DSG3: variants seen among roughly 807,000 people sequenced by gnomAD.
The protein encoded by DSG3 is desmoglein 3.
DSG3 carries 63 observed loss-of-function variants against 85.9 expected under a neutral mutation model. The ratio of observed to expected loss-of-function variants is 0.73; its 90% CI spans 0.60 to 0.90. DSG3 has a LOEUF of 0.90. Ranked by LOEUF, DSG3 falls within the 40% of genes least tolerant of loss-of-function variation. The pLI, the probability that DSG3 is intolerant of heterozygous loss-of-function variation, is 0.00. For missense variants in DSG3, 1,220 were observed against 1,219.9 expected, an observed-to-expected ratio of 1.00 and a Z score of 0.00; for synonymous variants, 447 against 441.9, an observed-to-expected ratio of 1.01 and a Z score of -0.14.
In DSG3 at chr18:31,475,902, T is replaced by C; in HGVS notation, c.2642T>C (p.Ile881Thr). 1.9e-6 allele frequency: 3 copies of C among 1,614,172 alleles called. No individual in the cohort carries two copies. Among genetic ancestry groups the C allele is most frequent in the Non-Finnish European group, 2.5e-6 (3 of 1,180,034 alleles). ...QPPSKDSGYG[I>T]ESCGHPIEVQ... ...CCCTCTAAAGACAGCGGTTATGGGA[T>C]TGAATCCTGTGGCCATCCCATAGAA... The change falls in exon 16 of 16, where the codon ATT becomes ACT. Residue 881 changes from isoleucine (I) to threonine (T), a missense_variant. By Grantham distance (89) the Ile-to-Thr change is moderately conservative (BLOSUM62 -1). Transcript: ENST00000257189.
At chr18:31,472,596 G>T (rs2072862766) in intron 13 of DSG3, 129 bp from the exon 14 acceptor site, 2 of 1,269,098 alleles carry the variant, frequency 1.6e-6, no homozygotes, top group Non-Finnish European at 2.2e-6. Flanking sequence ...CACAGAAATG[G>T]TTATCGCTGA....
chr18:31,455,292 C>G (rs1042876541), intron 1 of DSG3, among the ~76,000 whole-genome samples: 6 of 151,968 alleles, frequency 3.9e-5, no homozygotes, highest in African/African-American at 1.5e-4. Context: ...TATTACTCTT[C>G]TAGTTTTTTT....
intron 15 of DSG3, 140 bp downstream of exon 15, chr18:31,474,544 C>A: frequency 1.9e-6 from 2 of 1,070,848 alleles, no homozygotes; most frequent in South Asian, 1.7e-5. Flanking sequence ...TGTTTTTTGC[C>A]AAAATAATAC....
chr18:31,473,137 G>A (rs928820082), intron 14 of DSG3, among the ~76,000 whole-genome samples: 3 of 152,104 alleles, frequency 2.0e-5, no homozygotes, highest in Non-Finnish European at 4.4e-5. Context: ...AAAATATAAC[G>A]AACATCTATG....
At chr18:31,452,080 A>C (rs1419264855) in intron 1 of DSG3, among the ~76,000 whole-genome samples, 3 of 152,226 alleles carry the variant, frequency 2.0e-5, no homozygotes, top group African/African-American at 7.2e-5. Context: ...CATAAACTAC[A>C]GCGTGAGGAG....
At chr18:31,466,839 TC>T in intron 11 of DSG3, 85 bp downstream of exon 11, 1 of 1,258,140 alleles carries the variant, frequency 7.9e-7, no homozygotes, top group Non-Finnish European at 1.1e-6. Flanking sequence ...TAAGAGCAGG[TC>T]CTTCCAAAAG....
Position 31,478,664 on chromosome 18 carries a change from A to G in DSG3, c.*2404A>G, listed in dbSNP as rs2072903965. The G allele has an allele frequency of 6.6e-6, 1 of 152,210 alleles. No homozygotes were observed. Among genetic ancestry groups the G allele is most frequent in the Non-Finnish European group, 1.5e-5 (1 of 68,036 alleles). The allele number at this position is 152,210 out of a possible 1,614,324, so 9.4% of individuals were successfully genotyped here. On this transcript the variant is annotated 3_prime_UTR_variant, in exon 16 of 16. Transcript: ENST00000257189. ...AAACCATAAACAGTATAATGTTGTT[A>G]TAATAAAACAGGCAATAAATTTATA... is the stretch of plus-strand genomic sequence containing the variant.
At chr18:31,456,041 C>A (rs976547691) in intron 1 of DSG3, among the ~76,000 whole-genome samples, 3 of 152,176 alleles carry the variant, frequency 2.0e-5, no homozygotes, top group Non-Finnish European at 2.9e-5. Context: ...CCCTGTGGCC[C>A]CTTTCTGAAG....
In DSG3 at chr18:31,460,100, T is replaced by TA. The variant is rs1324400594; in HGVS notation, c.684+95dup. 2.9e-6 allele frequency: 4 copies of TA among 1,399,058 alleles called. No individual in the cohort carries two copies. The African/African-American group carries it at 5.8e-5, about 20-fold the overall frequency. 86.7% of individuals were successfully genotyped at this position (1,399,058 alleles called of 1,614,324 possible). A position where few individuals can be genotyped will look rare whatever the true frequency, so the allele number is the denominator to read the frequency against. On this transcript the variant is annotated intron_variant, in intron 6 of 15. Coordinates refer to ENST00000257189, the MANE Select transcript of DSG3 (RefSeq NM_001944.3). ...AGGTGACTCCATTTTACCCGAAAAT[T>TA]AAAAAAGAAAAGAGGTTCTCAGTAC...
At chr18:31,469,833 C>T (rs1018631834) in intron 12 of DSG3, among the ~76,000 whole-genome samples, 17 of 151,560 alleles carry the variant, frequency 1.1e-4, no homozygotes, top group Non-Finnish European at 2.2e-4. Flanking sequence ...ATTAATTAAC[C>T]CCCACTAATA....
chr18:31,467,851 T>G (rs1219328825), intron 11 of DSG3, among the ~76,000 whole-genome samples: 1 of 152,238 alleles, frequency 6.6e-6, no homozygotes, highest in Non-Finnish European at 1.5e-5. Flanking sequence ...ATCTTCATGG[T>G]CATCTTTCCT....
In DSG3 at chr18:31,469,845, TAATC is replaced by T. The variant is rs953770343; in HGVS notation, c.1897+500_1897+503del. The stretch of plus-strand genomic sequence containing the variant: ...TTAATTAATTAACCCCCACTAATAT[TAATC>T]AATAGCATATGATATTAATATTAAT... On this transcript the variant is annotated intron_variant, in intron 12 of 15. Transcript: ENST00000257189. Among the ~76,000 whole-genome samples the T allele has an allele frequency of 5.8e-4, 89 of 152,186 alleles. 1 individual carries two copies. The highest frequency in any genetic ancestry group is 2.1e-3 in the African/African-American group (87 of 41,538).
At chr18:31,449,140 C>T (rs2072696230) in intron 1 of DSG3, among the ~76,000 whole-genome samples, 1 of 152,176 alleles carries the variant, frequency 6.6e-6, no homozygotes, top group South Asian at 2.1e-4. Context: ...TCAATGGATC[C>T]GTCCACCTCG....
rs763736948 is a variant in DSG3, at chr18:31,460,017, G to A, written c.684+6G>A. ...CCAATTCTCTTGACCGAGAGGTACAGCAAAGCACTTGGGGGAACATTCAAG... is the reference window on the plus strand; with the variant it reads ...CCAATTCTCTTGACCGAGAGGTACAACAAAGCACTTGGGGGAACATTCAAG... On this transcript the variant is annotated splice_donor_region_variant and intron_variant, in intron 6 of 15. Transcript: ENST00000257189. 8 of 1,609,916 alleles carry A rather than the reference G, an allele frequency of 5.0e-6. No homozygotes were observed. In the Admixed American group the frequency reaches 6.7e-5, roughly 14 times the overall value.
chr18:31,476,406 T>C lies in DSG3; in HGVS notation c.*146T>C. ...AAACTGATCACGATTATAAATTAAA[T>C]GTTTGGGTTCATACCCCAAAAGCAA... On this transcript the variant is annotated 3_prime_UTR_variant, in exon 16 of 16. Transcript: ENST00000257189. The C allele has an allele frequency of 1.0e-6, 1 of 960,598 alleles. No homozygotes were observed. The highest frequency in any genetic ancestry group is 1.5e-6 in the Non-Finnish European group (1 of 678,842). The allele number at this position is 960,598 out of a possible 1,614,324, so 59.5% of individuals were successfully genotyped here. A position where few individuals can be genotyped will look rare whatever the true frequency, so the allele number is the denominator to read the frequency against.
Position 31,465,453 on chromosome 18 carries a change from A to G in DSG3, c.1407A>G (p.Ile469Met). 1 of 1,484,006 alleles carries G rather than the reference A, an allele frequency of 6.7e-7. No homozygotes were observed. Among genetic ancestry groups the G allele is most frequent in the South Asian group, 1.5e-5 (1 of 67,164 alleles). 91.9% of individuals were successfully genotyped at this position (1,484,006 alleles called of 1,614,324 possible). ...CAATCACAGCTGAGGTTCTGGCCATAGATGGTAAGAAAAATATTTGAATCA... is the reference window on the plus strand; with the variant it reads ...CAATCACAGCTGAGGTTCTGGCCATGGATGGTAAGAAAAATATTTGAATCA... The part of the protein sequence containing the change: ...NKTITAEVLA[I>M]DEYTGKTSTG... The change falls in exon 10 of 16, where the codon ATA becomes ATG. Residue 469 changes from isoleucine to methionine, a missense_variant. By Grantham distance (10) the Ile-to-Met change is conservative. Transcript: ENST00000257189.
Position 31,459,844 on chromosome 18 carries a change from G to A in DSG3, c.518-1G>A, listed in dbSNP as rs1160644964. On this transcript the variant is annotated splice_acceptor_variant, in intron 5 of 15. Transcript: ENST00000257189. LOFTEE classifies it high-confidence loss of function. ...TAATAAACGTTTTCCTGTATTCCTA[G>A]ACTCACTGGTGATGATACTAAATGC... is the stretch of plus-strand genomic sequence containing the variant. 2.5e-6 allele frequency: 4 copies of A among 1,611,682 alleles called. No individual in the cohort carries two copies. In the African/African-American group the frequency reaches 5.3e-5, roughly 22 times the overall value.
chr18:31,457,075 AAC>A lies in DSG3; in HGVS notation c.168_169del (p.Lys56AsnfsTer8). The A allele has an allele frequency of 6.2e-7, 1 of 1,613,376 alleles. No homozygotes were observed. Reference sequence around the variant, plus strand: ...AAACGTGAATGGGTGAAATTTGCCAAACCCTGCAGAGAAGGAGAAGATAACTC... The same window carrying A: ...AAACGTGAATGGGTGAAATTTGCCAACCTGCAGAGAAGGAGAAGATAACTC... On this transcript the variant is annotated frameshift_variant, in exon 3 of 16. Transcript: ENST00000257189. LOFTEE classifies it high-confidence loss of function.
chr18:31,462,343 A>T lies in DSG3; in HGVS notation c.999+931A>T, dbSNP rs146649546. ...CGCCTTGGCCTCCCAAAGTACTGGG[A>T]TTACAGGCATGAGCCATCGCATCTG... On this transcript the variant is annotated intron_variant, in intron 8 of 15. Coordinates refer to ENST00000257189, the MANE Select transcript of DSG3 (RefSeq NM_001944.3). Among the ~76,000 whole-genome samples the T allele has an allele frequency of 2.3e-3, 356 of 152,280 alleles. 2 individuals are homozygous for T. The Middle Eastern group carries it at 0.024, about 10-fold the overall frequency.
Sources: allele counts gnomAD v4.1 joint callset (sites outside exome capture counted in the v4.1 genomes callset), GRCh38; gene constraint gnomAD v4.1.1; transcripts MANE v1.5; gene names NCBI Gene and HGNC (gene_info 2026-07-23, HGNC 2026-07-21).